The following KCNQ1 variants were observed in gnomAD, a reference collection of about 807,000 sequenced individuals.
The protein encoded by KCNQ1 is potassium voltage-gated channel subfamily KQT member 1.
A neutral mutation model predicts 72.4 loss-of-function variants in KCNQ1; 49 were observed. The ratio of observed to expected loss-of-function variants is 0.68; its 90% CI spans 0.54 to 0.86. The LOEUF is 0.86. Among genes scored for constraint, KCNQ1 ranks in the 40% least tolerant of loss-of-function variants. KCNQ1 has a pLI of 0.00. For synonymous variants in KCNQ1, 450 were observed against 412.6 expected (o/e 1.09, Z -1.10); for missense variants, 790 against 945.1 (o/e 0.84, Z 2.15).
chr11:2,513,321 C>T (rs1847240191), intron 1 of KCNQ1, among the ~76,000 whole-genome samples: 1 of 152,188 alleles, frequency 6.6e-6, no homozygotes, highest in Non-Finnish European at 1.5e-5. Context: ...GTTCTGGACT[C>T]AGCTGGAAAG....
In KCNQ1 at chr11:2,527,977, G is replaced by A. The variant is rs199472688; in HGVS notation, c.436G>A (p.Glu146Lys). 2.1e-5 allele frequency: 34 copies of A among 1,614,002 alleles called. No individual in the cohort carries two copies. The highest frequency in any genetic ancestry group is 2.8e-5 in the Non-Finnish European group (33 of 1,180,000). Reference protein sequence around the residue: ...CLIFSVLSTIEQYAALATGTL... With the variant: ...CLIFSVLSTIKQYAALATGTL... ...CATCTTCAGCGTGCTGTCCACCATC[G>A]AGCAGTATGCCGCCCTGGCCACGGG... is the stretch of plus-strand genomic sequence containing the variant. Residue 146 changes from glutamate (E) to lysine (K), a missense_variant, in exon 2 of 16, where the codon GAG becomes AAG. Glu to Lys is a moderately conservative substitution (Grantham distance 56, BLOSUM62 1). Transcript: ENST00000155840.
chr11:2,715,185 C>CTTA lies in KCNQ1; in HGVS notation c.1514+53104_1514+53105insTTA, dbSNP rs1851071721. 6.6e-6 allele frequency among the ~76,000 whole-genome samples: 1 copy of CTTA among 152,194 alleles called. No homozygotes were observed. The highest frequency in any genetic ancestry group is 2.4e-5 in the African/African-American group (1 of 41,436). On this transcript the variant is annotated intron_variant, in intron 11 of 15. Coordinates refer to ENST00000155840, the MANE Select transcript of KCNQ1 (RefSeq NM_000218.3). This position sits in a 1 kb window ranked among gnomAD's most constrained non-coding sequence, Gnocchi z 4.9. ...ACCTCAGCATGGGCACCCCATGCCA[C>CTTA]CCGCTCCATTTACAGCCAAGGAGCC...
chr11:2,583,635 T>A, intron 7 of KCNQ1, 90 bp downstream of exon 7: 2 of 884,582 alleles, frequency 2.3e-6, no homozygotes, highest in Non-Finnish European at 3.9e-6. Flanking sequence ...GCAGACCCAC[T>A]TACGTTCAGA....
At position 2,481,921 on chromosome 11, in the gene KCNQ1, T is replaced by A. The variant is rs1006817973; in HGVS notation, c.386+36437T>A. The stretch of plus-strand genomic sequence containing the variant: ...AATAAAGTGCCCAATGCAAGTAATG[T>A]GCTTGAATCATCCCAGAACCACCCA... On this transcript the variant is annotated intron_variant, in intron 1 of 15. Coordinates refer to ENST00000155840, the MANE Select transcript of KCNQ1 (RefSeq NM_000218.3). The surrounding 1 kb of genome is among the most constrained non-coding windows in gnomAD (Gnocchi z 4.6). Among the ~76,000 whole-genome samples the A allele has an allele frequency of 2.6e-5, 4 of 152,204 alleles. No individual in the cohort carries two copies. Among genetic ancestry groups the A allele is most frequent in the African/African-American group, 9.6e-5 (4 of 41,456 alleles).
intron 15 of KCNQ1, among the ~76,000 whole-genome samples, chr11:2,814,551 G>A (rs1847575408): frequency 6.6e-6 from 1 of 151,590 alleles, no homozygotes; most frequent in Non-Finnish European, 1.5e-5. Flanking sequence ...AGCTGATGGA[G>A]AAATGATGGA....
chr11:2,482,645 G>A lies in KCNQ1; in HGVS notation c.386+37161G>A, dbSNP rs185616715. Among the ~76,000 whole-genome samples the A allele has an allele frequency of 3.2e-4, 48 of 151,584 alleles. No individual in the cohort carries two copies. The highest frequency in any genetic ancestry group is 1.3e-4 in the Non-Finnish European group (9 of 67,920). ...CTGCTGGACATCACTGACTCCCCCC[G>A]CCAACCCCCACCCCACACTGCACCA... On this transcript the variant is annotated intron_variant, in intron 1 of 15. Transcript: ENST00000155840. The surrounding 1 kb of genome is among the most constrained non-coding windows in gnomAD (Gnocchi z 5.7).
chr11:2,562,289 C>A lies in KCNQ1; in HGVS notation c.478-8339C>A, dbSNP rs1229353212. Among the ~76,000 whole-genome samples the A allele has an allele frequency of 6.6e-6, 1 of 152,166 alleles. No homozygotes were observed. The highest frequency in any genetic ancestry group is 1.5e-5 in the Non-Finnish European group (1 of 68,012). On this transcript the variant is annotated intron_variant, in intron 2 of 15. Coordinates refer to ENST00000155840, the MANE Select transcript of KCNQ1 (RefSeq NM_000218.3). This position sits in a 1 kb window ranked among gnomAD's most constrained non-coding sequence, Gnocchi z 7.5. ...GCACGTCACTGGGGGCCCACAAGCT[C>A]TCAGCACAGGCTGGCGGCTGGGAGC...
Position 2,723,796 on chromosome 11 carries a change from G to A in KCNQ1, c.1515-45048G>A, listed in dbSNP as rs1845712708. On this transcript the variant is annotated intron_variant, in intron 11 of 15. Transcript: ENST00000155840. The surrounding 1 kb of genome is among the most constrained non-coding windows in gnomAD (Gnocchi z 4.2). Reference sequence around the variant, plus strand: ...GTGGCCGCAGGGTTCCCAGCCACTCGGTGCACATGTACTCCAGCCTCTCTG... The same window carrying A: ...GTGGCCGCAGGGTTCCCAGCCACTCAGTGCACATGTACTCCAGCCTCTCTG... 6.6e-6 allele frequency among the ~76,000 whole-genome samples: 1 copy of A among 152,024 alleles called. No homozygotes were observed. Among genetic ancestry groups the A allele is most frequent in the Non-Finnish European group, 1.5e-5 (1 of 68,006 alleles).
rs1287814800 is a variant in KCNQ1, at chr11:2,767,285, T to A, written c.1515-1559T>A. Among the ~76,000 whole-genome samples the A allele has an allele frequency of 1.3e-5, 2 of 152,286 alleles. No individual in the cohort carries two copies. The highest frequency in any genetic ancestry group is 3.9e-4 in the East Asian group (2 of 5,188). On this transcript the variant is annotated intron_variant, in intron 11 of 15. Transcript: ENST00000155840. This position sits in a 1 kb window ranked among gnomAD's most constrained non-coding sequence, Gnocchi z 4.6. Reference sequence around the variant, plus strand: ...TTAGCTGAGGCCTCTCTCTTCTCCATGTGGCCTCTCTAATCAGCAAGCTTG... The same window carrying A: ...TTAGCTGAGGCCTCTCTCTTCTCCAAGTGGCCTCTCTAATCAGCAAGCTTG...
chr11:2,823,869 C>T (rs1291480087), intron 15 of KCNQ1, among the ~76,000 whole-genome samples: 4 of 152,002 alleles, frequency 2.6e-5, no homozygotes, highest in Admixed American at 6.6e-5. Flanking sequence ...TGGACAAAGC[C>T]GAGGGTGGGG....
chr11:2,532,791 G>A (rs904354044), intron 2 of KCNQ1, among the ~76,000 whole-genome samples: 1 of 152,222 alleles, frequency 6.6e-6, no homozygotes, highest in Admixed American at 6.5e-5. Context: ...GCAGGTTCCC[G>A]AGGCTTCAGG....
intron 10 of KCNQ1, chr11:2,644,152 A>G: frequency 2.5e-6 from 1 of 398,558 alleles, no homozygotes. Flanking sequence ...GAGATTGGGA[A>G]GTGTTCAGGT....
rs539193205 is a variant in KCNQ1, at chr11:2,848,639, G to A, written c.*636G>A. The stretch of plus-strand genomic sequence containing the variant: ...TCTCACCATTTCCCCAGGGCACGTG[G>A]TTGAGTGGGGGGAACGCCCACTTCC... On this transcript the variant is annotated 3_prime_UTR_variant, in exon 16 of 16. Coordinates refer to ENST00000155840, the MANE Select transcript of KCNQ1 (RefSeq NM_000218.3). The A allele has an allele frequency of 2.2e-6, 1 of 452,144 alleles. No homozygotes were observed. The highest frequency in any genetic ancestry group is 4.4e-6 in the Non-Finnish European group (1 of 225,166). 28.0% of individuals were successfully genotyped at this position (452,144 alleles called of 1,614,324 possible). A position where few individuals can be genotyped will look rare whatever the true frequency, so the allele number is the denominator to read the frequency against.
chr11:2,572,627 C>T (rs1389155642), intron 5 of KCNQ1, among the ~76,000 whole-genome samples: 17 of 152,216 alleles, frequency 1.1e-4, no homozygotes, highest in African/African-American at 2.7e-4. Context: ...GGGCCTAGGG[C>T]GACCCCAGGG....
Position 2,620,199 on chromosome 11 carries a change from G to GTATATATA in KCNQ1, c.1393+31351_1393+31358dup, listed in dbSNP as rs140322945. On this transcript the variant is annotated intron_variant, in intron 10 of 15. Coordinates refer to ENST00000155840, the MANE Select transcript of KCNQ1 (RefSeq NM_000218.3). This position sits in a 1 kb window ranked among gnomAD's most constrained non-coding sequence, Gnocchi z 4.5. ...CTGCAAAGGACGTAAGTTCATTCATGTATATATATATATTTTTTTTTTTTA... is the reference window on the plus strand; with the variant it reads ...CTGCAAAGGACGTAAGTTCATTCATGTATATATATATATATATATATTTTTTTTTTTTA... The GTATATATA allele has an allele frequency of 0.014, 4,073 of 294,958 alleles. 53 individuals carry two copies. The highest frequency in any genetic ancestry group is 0.022 in the Admixed American group (401 of 18,498). The allele number at this position is 294,958 out of a possible 1,614,324, so 18.3% of individuals were successfully genotyped here.
At position 2,808,262 on chromosome 11, in the gene KCNQ1, C is replaced by T. The variant is rs539116006; in HGVS notation, c.1794+30225C>T. The stretch of plus-strand genomic sequence containing the variant: ...TCCCCCAGCACCCACCAAGCCCCTG[C>T]GATATCCCAGTGGAAGATAATGGAG... On this transcript the variant is annotated intron_variant, in intron 15 of 15. Transcript: ENST00000155840. This position sits in a 1 kb window ranked among gnomAD's most constrained non-coding sequence, Gnocchi z 6.0. Among the ~76,000 whole-genome samples the T allele has an allele frequency of 6.6e-6, 1 of 152,234 alleles. No individual in the cohort carries two copies. Among genetic ancestry groups the T allele is most frequent in the Non-Finnish European group, 1.5e-5 (1 of 68,048 alleles).
chr11:2,800,959 G>T (rs1006164461), intron 15 of KCNQ1, among the ~76,000 whole-genome samples: 1 of 152,196 alleles, frequency 6.6e-6, no homozygotes, highest in Non-Finnish European at 1.5e-5. Flanking sequence ...GAATGTTCCA[G>T]AAGGCATGGG....
rs1849910443 is a variant in KCNQ1 at position 2,659,382 on chromosome 11, C to G, written c.1394-2579C>G. On this transcript the variant is annotated intron_variant, in intron 10 of 15. Transcript: ENST00000155840. This position sits in a 1 kb window ranked among gnomAD's most constrained non-coding sequence, Gnocchi z 4.3. The stretch of plus-strand genomic sequence containing the variant: ...GTATTCTTTTGCATCTGGCTTCTTT[C>G]ACTGCTTAGCAAAATGCATTTGAGA... 2.5e-6 allele frequency: 1 copy of G among 398,482 alleles called. No homozygotes were observed. The highest frequency in any genetic ancestry group is 4.4e-6 in the Non-Finnish European group (1 of 226,048). 24.7% of individuals were successfully genotyped at this position (398,482 alleles called of 1,614,324 possible).
At chr11:2,591,160 G>A (rs61513927) in intron 10 of KCNQ1, among the ~76,000 whole-genome samples, 153 of 152,342 alleles carry the variant, frequency 1.0e-3, no homozygotes, top group African/African-American at 3.6e-3. Context: ...CACAGTGTTC[G>A]CAACCCTTTG....
Sources: allele counts gnomAD v4.1 joint callset (sites outside exome capture counted in the v4.1 genomes callset), GRCh38; gene constraint gnomAD v4.1.1; non-coding constraint Gnocchi (gnomAD v3.1); transcripts MANE v1.5; gene names NCBI Gene and HGNC (gene_info 2026-07-23, HGNC 2026-07-21).